The following PTPRK variants were observed in gnomAD, a reference collection of about 807,000 sequenced individuals.
PTPRK encodes protein tyrosine phosphatase receptor type K, also known as receptor-type tyrosine-protein phosphatase kappa.
In PTPRK, 75 loss-of-function variants were observed where a neutral mutation model predicts 178.0. The ratio of observed to expected loss-of-function variants is 0.42; its 90% CI spans 0.35 to 0.51. PTPRK has a LOEUF of 0.51. Ranked by LOEUF, PTPRK falls within the 20% of genes least tolerant of loss-of-function variation. The pLI is 0.02. For missense variants in PTPRK, 1,441 were observed against 1,797.8 expected (o/e 0.80, Z 3.59); for synonymous variants, 637 against 620.6 (o/e 1.03, Z -0.39).
intron 2 of PTPRK, among the ~76,000 whole-genome samples, chr6:128,356,905 T>C (rs1834036811): frequency 6.6e-6 from 1 of 152,202 alleles, no homozygotes; most frequent in African/African-American, 2.4e-5. Flanking sequence ...TTTTCTAACA[T>C]AGCATATAGC....
chr6:128,492,215 A>AAACC (rs1278466711), intron 1 of PTPRK, among the ~76,000 whole-genome samples: 1 of 152,076 alleles, frequency 6.6e-6, no homozygotes, highest in East Asian at 1.9e-4. Context: ...TCTATCAAGA[A>AAACC]AACCCTCCTC....
intron 12 of PTPRK, among the ~76,000 whole-genome samples, chr6:128,067,056 A>G (rs2114939242): frequency 6.6e-6 from 1 of 152,256 alleles, no homozygotes; most frequent in South Asian, 2.1e-4. Context: ...GTTACATGTT[A>G]TTTACTATTT....
intron 3 of PTPRK, among the ~76,000 whole-genome samples, chr6:128,300,354 C>T (rs1825363874): frequency 6.6e-6 from 1 of 152,026 alleles, no homozygotes; most frequent in Admixed American, 6.5e-5. Context: ...CCATTTGACC[C>T]AGCCATCCCA....
chr6:128,366,184 C>T (rs1835453626), intron 2 of PTPRK, among the ~76,000 whole-genome samples: 1 of 152,098 alleles, frequency 6.6e-6, no homozygotes, highest in Non-Finnish European at 1.5e-5. Flanking sequence ...AGTACTATGC[C>T]ACTCTAACTA....
chr6:128,077,594 A>C (rs927926110), intron 11 of PTPRK, among the ~76,000 whole-genome samples: 2 of 149,758 alleles, frequency 1.3e-5, no homozygotes, highest in Non-Finnish European at 2.9e-5. Context: ...AACAAACATT[A>C]GTTTTATTTT....
chr6:128,133,914 A>C (rs1020697834), intron 7 of PTPRK, among the ~76,000 whole-genome samples: 19 of 152,158 alleles, frequency 1.2e-4, no homozygotes, highest in African/African-American at 4.6e-4. Context: ...TATTTATGGC[A>C]ACTCCTTATC....
At chr6:128,084,737 G>C (rs955511839) in intron 8 of PTPRK, among the ~76,000 whole-genome samples, 12 of 151,986 alleles carry the variant, frequency 7.9e-5, no homozygotes, top group African/African-American at 1.5e-4. Flanking sequence ...TAAATACTTA[G>C]CTGCTATTTA....
intron 1 of PTPRK, among the ~76,000 whole-genome samples, chr6:128,480,366 T>A (rs1045984010): frequency 1.3e-5 from 2 of 151,852 alleles, no homozygotes; most frequent in Admixed American, 1.3e-4. Context: ...TAATCTTCAG[T>A]ATTACTTTTG....
chr6:128,504,639 T>C (rs1208608628), intron 1 of PTPRK, among the ~76,000 whole-genome samples: 1 of 152,126 alleles, frequency 6.6e-6, no homozygotes, highest in African/African-American at 2.4e-5. Flanking sequence ...TCTGAAACGT[T>C]GCCTAAGGAG....
chr6:128,178,667 C>G (rs1801458965), intron 7 of PTPRK, among the ~76,000 whole-genome samples: 1 of 151,088 alleles, frequency 6.6e-6, no homozygotes, highest in Non-Finnish European at 1.5e-5. Context: ...ATCTATCTAT[C>G]TATCTATCTA....
intron 2 of PTPRK, among the ~76,000 whole-genome samples, chr6:128,322,734 G>A (rs1001751212): frequency 1.3e-5 from 2 of 150,740 alleles, no homozygotes; most frequent in Admixed American, 1.3e-4. Flanking sequence ...TACACAAAGG[G>A]TACACCTTTA....
intron 2 of PTPRK, among the ~76,000 whole-genome samples, chr6:128,355,039 C>T (rs1833773385): frequency 6.6e-6 from 1 of 152,176 alleles, no homozygotes. Context: ...TGGAGAGTTA[C>T]AATTATATTC....
At chr6:128,332,162 C>A (rs1360027947) in intron 2 of PTPRK, among the ~76,000 whole-genome samples, 3 of 152,130 alleles carry the variant, frequency 2.0e-5, no homozygotes, top group Non-Finnish European at 4.4e-5. Flanking sequence ...CCTACTACAT[C>A]TTAAGGAGAC....
intron 7 of PTPRK, among the ~76,000 whole-genome samples, chr6:128,164,108 C>A (rs1045494187): frequency 6.6e-6 from 1 of 151,456 alleles, no homozygotes; most frequent in Non-Finnish European, 1.5e-5. Context: ...CCAGCACCAA[C>A]TCTAATTACG....
chr6:128,401,749 G>A (rs750825596), intron 1 of PTPRK, among the ~76,000 whole-genome samples: 12 of 152,124 alleles, frequency 7.9e-5, no homozygotes, highest in Non-Finnish European at 1.8e-4. Context: ...TTATTTAGCT[G>A]AAGATATGAA....
intron 3 of PTPRK, among the ~76,000 whole-genome samples, chr6:128,289,747 T>C (rs1393771135): frequency 6.6e-6 from 1 of 152,140 alleles, no homozygotes; most frequent in Admixed American, 6.6e-5. Context: ...TTCAGAAACT[T>C]ATTCTAGATT....
chr6:128,191,510 G>A (rs922036124), intron 6 of PTPRK, among the ~76,000 whole-genome samples: 29 of 151,692 alleles, frequency 1.9e-4, no homozygotes, highest in African/African-American at 6.8e-4. Context: ...CTATAATATA[G>A]GTAAGTATAA....
At chr6:128,076,586 A>G (rs1783863488) in intron 11 of PTPRK, among the ~76,000 whole-genome samples, 1 of 152,052 alleles carries the variant, frequency 6.6e-6, no homozygotes, top group African/African-American at 2.4e-5. Context: ...TTCTTGTAAT[A>G]TTCCAGGATT....
intron 1 of PTPRK, among the ~76,000 whole-genome samples, chr6:128,409,141 G>A (rs934180762): frequency 7.2e-5 from 11 of 152,146 alleles, no homozygotes; most frequent in African/African-American, 1.9e-4. Context: ...AATAAACACA[G>A]GGAAACTACT....
Sources: allele counts gnomAD v4.1 joint callset (sites outside exome capture counted in the v4.1 genomes callset), GRCh38; gene constraint gnomAD v4.1.1; transcripts MANE v1.5; gene names NCBI Gene and HGNC (gene_info 2026-07-23, HGNC 2026-07-21).